The following PLA2R1 variants were observed in gnomAD, a reference collection of about 807,000 sequenced individuals.
PLA2R1 encodes the protein secretory phospholipase A2 receptor.
PLA2R1 carries 158 observed loss-of-function variants against 195.9 expected under a neutral mutation model. That is an observed-to-expected ratio of 0.81 (90% confidence interval 0.71 to 0.92). The LOEUF (loss-of-function observed/expected upper bound fraction) is 0.92, where lower values mean the gene tolerates loss of function less well. PLA2R1 is among the 40% of genes least tolerant of loss of function. The pLI, the probability that PLA2R1 is intolerant of heterozygous loss-of-function variation, is 0.00. For missense variants in PLA2R1, 1,626 were observed against 1,764.6 expected (o/e 0.92, Z 1.41); for synonymous variants, 586 against 598.2 (o/e 0.98, Z 0.30).
At chr2:159,927,963 G>A (rs1454232122), downstream of PLA2R1, among the ~76,000 whole-genome samples, 1 of 152,186 alleles carries the variant, frequency 6.6e-6, no homozygotes, top group African/African-American at 2.4e-5. Flanking sequence ...AAACAGATTT[G>A]TGATCTCTCA....
At position 159,984,070 on chromosome 2, in the gene PLA2R1, A is replaced by G; in HGVS notation, c.2041T>C (p.Phe681Leu). 1 of 1,470,574 alleles carries G rather than the reference A, an allele frequency of 6.8e-7. No individual in the cohort carries two copies. The highest frequency in any genetic ancestry group is 1.2e-5 in the South Asian group (1 of 84,288). The allele number at this position is 1,470,574 out of a possible 1,614,324, so 91.1% of individuals were successfully genotyped here. A position where few individuals can be genotyped will look rare whatever the true frequency, so the allele number is the denominator to read the frequency against. The change falls in exon 13 of 30, where the codon TTT (phenylalanine) becomes CTT (leucine). Residue 681 changes from phenylalanine (F) to leucine (L), a missense_variant. Phe to Leu is a conservative substitution (Grantham distance 22). Coordinates refer to ENST00000283243, the MANE Select transcript of PLA2R1 (RefSeq NM_007366.5). ...EPGLASCFKVFHSEKVLMKRT... is the reference protein window; with the variant it reads ...EPGLASCFKVLHSEKVLMKRT... ...TTCATCAGAACTTTTTCACTATGAA[A>G]TACCTGTATAGTAAAAGAAAATAAA...
chr2:159,967,192 C>G (rs188769480), intron 20 of PLA2R1, among the ~76,000 whole-genome samples: 3 of 152,256 alleles, frequency 2.0e-5, no homozygotes, highest in Non-Finnish European at 2.9e-5. Context: ...CACGCACGCA[C>G]ATGAGCACAC....
chr2:159,951,704 G>A, intron 23 of PLA2R1, 126 bp from the exon 24 acceptor site: 1 of 642,864 alleles, frequency 1.6e-6, no homozygotes, highest in Non-Finnish European at 2.8e-6. Flanking sequence ...GGAATTGACT[G>A]TTTCAAAACA....
At chr2:160,010,423 AAAGTGTTAAAAGTCTT>A in intron 10 of PLA2R1, among the ~76,000 whole-genome samples, 1 of 152,298 alleles carries the variant, frequency 6.6e-6, no homozygotes. Flanking sequence ...TCTATTCCAC[AAAGTGTTAAAAGTCTT>A]AGACCAGGAG....
At chr2:159,975,244 T>C (rs1169361939) in intron 17 of PLA2R1, among the ~76,000 whole-genome samples, 1 of 152,198 alleles carries the variant, frequency 6.6e-6, no homozygotes, top group South Asian at 2.1e-4. Flanking sequence ...TTAAAGTATA[T>C]ATATCTAGCC....
At chr2:159,997,741 A>G (rs1233887459) in intron 11 of PLA2R1, among the ~76,000 whole-genome samples, 1 of 152,080 alleles carries the variant, frequency 6.6e-6, no homozygotes, top group Non-Finnish European at 1.5e-5. Context: ...CTGATCCAGG[A>G]AGCTGTGATT....
intron 1 of PLA2R1, among the ~76,000 whole-genome samples, chr2:160,058,248 C>A (rs1445631096): frequency 2.0e-5 from 3 of 152,170 alleles, no homozygotes; most frequent in Admixed American, 6.5e-5. Flanking sequence ...CCCTACCCCT[C>A]TTTCCGTCGG....
intron 1 of PLA2R1, among the ~76,000 whole-genome samples, chr2:160,051,781 T>G (rs6719686): frequency 0.3 from 45,952 of 152,154 alleles, 8,734 homozygotes; most frequent in Non-Finnish European, 0.42. Context: ...AGCATGTGCA[T>G]GGTTCTTCAA....
Position 159,956,642 on chromosome 2 carries a change from C to A in PLA2R1, c.2905-15G>T. On this transcript the variant is annotated splice_polypyrimidine_tract_variant and intron_variant, in intron 20 of 29. Transcript: ENST00000283243. ...AGCAGAAGGCACTATCAAAAAATGT[C>A]AAAACAAAACATTCATTTCTGTATC... 7.3e-7 allele frequency: 1 copy of A among 1,368,194 alleles called. No homozygotes were observed. The highest frequency in any genetic ancestry group is 1.0e-6 in the Non-Finnish European group (1 of 955,584). The allele number at this position is 1,368,194 out of a possible 1,614,324, so 84.8% of individuals were successfully genotyped here.
At chr2:160,041,801 G>C (rs1021538605) in intron 3 of PLA2R1, among the ~76,000 whole-genome samples, 1 of 152,202 alleles carries the variant, frequency 6.6e-6, no homozygotes, top group African/African-American at 2.4e-5. Context: ...GCTTAATGAA[G>C]AATGGCTAAT....
chr2:159,977,602 T>G (rs1279990222), intron 14 of PLA2R1, among the ~76,000 whole-genome samples, 186 bp from the exon 15 acceptor site: 2 of 151,718 alleles, frequency 1.3e-5, no homozygotes, highest in Non-Finnish European at 2.9e-5. Context: ...TATTTAGCAT[T>G]TTTTTCTTAA....
At chr2:160,029,421 C>T (rs1693721226) in intron 4 of PLA2R1, among the ~76,000 whole-genome samples, 1 of 151,770 alleles carries the variant, frequency 6.6e-6, no homozygotes, top group African/African-American at 2.4e-5. Flanking sequence ...GAGATGTCTG[C>T]TCAACAGGAG....
rs754854478 is a variant in PLA2R1 at position 160,028,174 on chromosome 2, C to T, written c.1099+44G>A. On this transcript the variant is annotated intron_variant, in intron 6 of 29. Coordinates refer to ENST00000283243, the MANE Select transcript of PLA2R1 (RefSeq NM_007366.5). ...GAGAAATTTACATATATTGAGAGGA[C>T]AAGTCAACAACACCTAAGAACAACT... 2.2e-6 allele frequency: 3 copies of T among 1,333,444 alleles called. No homozygotes were observed. In the East Asian group the frequency reaches 7.1e-5, roughly 32 times the overall value. The allele number at this position is 1,333,444 out of a possible 1,614,324, so 82.6% of individuals were successfully genotyped here. A position where few individuals can be genotyped will look rare whatever the true frequency, so the allele number is the denominator to read the frequency against.
intron 14 of PLA2R1, among the ~76,000 whole-genome samples, chr2:159,979,334 T>C (rs1689789704): frequency 6.6e-6 from 1 of 152,188 alleles, no homozygotes; most frequent in South Asian, 2.1e-4. Flanking sequence ...ACCAAGACTT[T>C]TTTTTTCCTT....
chr2:159,967,123 T>C (rs1262143318), intron 20 of PLA2R1, among the ~76,000 whole-genome samples: 1 of 151,960 alleles, frequency 6.6e-6, no homozygotes, highest in African/African-American at 2.4e-5. Flanking sequence ...ATTTACAGCT[T>C]ATTTGGGAGC....
rs539887971 is a variant in PLA2R1, at chr2:159,977,211, G to A, written c.2401+73C>T. 7.9e-5 allele frequency: 85 copies of A among 1,080,270 alleles called. No individual in the cohort carries two copies. The East Asian group carries it at 2.0e-3, about 25-fold the overall frequency. The allele number at this position is 1,080,270 out of a possible 1,614,324, so 66.9% of individuals were successfully genotyped here. ...CAATTTGTTGATATTGTGGTTTGGGGTGTTTAAATTGGGAAAGTACTAGAG... is the reference window on the plus strand; with the variant it reads ...CAATTTGTTGATATTGTGGTTTGGGATGTTTAAATTGGGAAAGTACTAGAG... On this transcript the variant is annotated intron_variant, in intron 15 of 29. Transcript: ENST00000283243.
intron 10 of PLA2R1, among the ~76,000 whole-genome samples, chr2:160,007,211 C>T (rs1431910622): frequency 6.6e-6 from 1 of 152,176 alleles, no homozygotes; most frequent in African/African-American, 2.4e-5. Context: ...TTTCCTTACA[C>T]TTCTGTTGGT....
At chr2:159,959,603 T>C (rs772080365) in intron 20 of PLA2R1, among the ~76,000 whole-genome samples, 1 of 152,224 alleles carries the variant, frequency 6.6e-6, no homozygotes, top group African/African-American at 2.4e-5. Flanking sequence ...GTTTTCAATA[T>C]AAAATTCTTT....
intron 28 of PLA2R1, among the ~76,000 whole-genome samples, chr2:159,942,508 C>A (rs750362601): frequency 1.3e-5 from 2 of 152,192 alleles, no homozygotes; most frequent in African/African-American, 2.4e-5. Context: ...TCAGTCCCAG[C>A]ACTGTGCTGC....
Sources: allele counts gnomAD v4.1 joint callset (sites outside exome capture counted in the v4.1 genomes callset), GRCh38; gene constraint gnomAD v4.1.1; transcripts MANE v1.5; gene names NCBI Gene and HGNC (gene_info 2026-07-23, HGNC 2026-07-21).